The following TRPM3 variants were observed in gnomAD, a reference collection of about 807,000 sequenced individuals.
TRPM3 encodes transient receptor potential cation channel subfamily M member 3.
TRPM3 carries 77 observed loss-of-function variants against 181.2 expected under a neutral mutation model. The ratio of observed to expected loss-of-function variants is 0.42; its 90% confidence interval spans 0.35 to 0.51. TRPM3 has a LOEUF of 0.51. Ranked by LOEUF, TRPM3 falls within the 20% of genes least tolerant of loss-of-function variation. The probability of loss-of-function intolerance (pLI) is 0.01; values close to 1 mark genes in which losing one functional copy is unlikely to be tolerated. For missense variants in TRPM3, 1,759 were observed against 2,196.7 expected (o/e 0.80, Z 3.98); for synonymous variants, 745 against 796.4 (o/e 0.94, Z 1.09).
chr9:70,624,010 G>C (rs900903877), intron 14 of TRPM3, among the ~76,000 whole-genome samples: 4 of 152,208 alleles, frequency 2.6e-5, no homozygotes, highest in East Asian at 1.9e-4. Flanking sequence ...GATCGTATTT[G>C]CTGCCAATGA....
chr9:71,420,701 GAGAGAGAAAGAA>G lies in TRPM3; in HGVS notation c.183+25940_183+25951del, dbSNP rs1257976147. On this transcript the variant is annotated intron_variant, in intron 1 of 24. Transcript: ENST00000357533. Reference sequence around the variant, plus strand: ...AAAGAAAGAGAAAGGGAAAGAGAAAGAGAGAGAAAGAAAGAGAGAAAGAGAGAGAGAGAGAAA... The same window carrying G: ...AAAGAAAGAGAAAGGGAAAGAGAAAGAGAGAGAAAGAGAGAGAGAGAGAAA... Among the ~76,000 whole-genome samples, 34 of 11,870 alleles carry G rather than the reference GAGAGAGAAAGAA, an allele frequency of 2.9e-3. 1 individual carries two copies. The highest frequency in any genetic ancestry group is 6.0e-3 in the African/African-American group (31 of 5,172). The allele number at this position is 11,870 out of a possible 152,430, so 7.8% of individuals were successfully genotyped here.
At chr9:71,406,153 GA>G (rs2093432301) in intron 1 of TRPM3, among the ~76,000 whole-genome samples, 1 of 152,048 alleles carries the variant, frequency 6.6e-6, no homozygotes, top group African/African-American at 2.4e-5. Context: ...CTCCCTTTAT[GA>G]AAAGATCCAA....
At chr9:71,095,441 C>T (rs1238510456) in intron 1 of TRPM3, among the ~76,000 whole-genome samples, 1 of 151,986 alleles carries the variant, frequency 6.6e-6, no homozygotes, top group African/African-American at 2.4e-5. Context: ...AAATCTTAAA[C>T]AGGTAGAAGA....
intron 1 of TRPM3, among the ~76,000 whole-genome samples, chr9:70,934,018 T>C (rs1194448585): frequency 1.3e-5 from 2 of 152,226 alleles, no homozygotes; most frequent in Middle Eastern, 3.4e-3. Context: ...CTTGGAAGAA[T>C]TGGTGACCTC....
intron 1 of TRPM3, among the ~76,000 whole-genome samples, chr9:71,262,796 T>C (rs372554398): frequency 6.4e-4 from 97 of 152,254 alleles, no homozygotes; most frequent in African/African-American, 2.3e-3. Context: ...TTGCACTTCC[T>C]GGGTGAGGCA....
chr9:71,346,612 C>A (rs572613211), intron 1 of TRPM3, among the ~76,000 whole-genome samples: 3 of 152,078 alleles, frequency 2.0e-5, no homozygotes, highest in Non-Finnish European at 4.4e-5. Flanking sequence ...AAAGAGGTTC[C>A]ATTGGCCAAG....
intron 9 of TRPM3, among the ~76,000 whole-genome samples, chr9:70,648,617 A>G (rs1373244778): frequency 5.4e-5 from 8 of 147,684 alleles, no homozygotes; most frequent in African/African-American, 2.0e-4. Flanking sequence ...TAACAAAACC[A>G]GCATCATACT....
intron 1 of TRPM3, among the ~76,000 whole-genome samples, chr9:71,022,125 T>C (rs2097851910): frequency 6.6e-6 from 1 of 152,186 alleles, no homozygotes; most frequent in Non-Finnish European, 1.5e-5. Context: ...GGATTCATTC[T>C]ACCTGGTAGC....
At chr9:70,663,201 G>A (rs1237020211) in intron 9 of TRPM3, among the ~76,000 whole-genome samples, 1 of 152,110 alleles carries the variant, frequency 6.6e-6, no homozygotes, top group Non-Finnish European at 1.5e-5. Context: ...GGATGTGAAG[G>A]CATACGAATG....
Position 70,558,768 on chromosome 9 carries a change from C to T in TRPM3, c.3224-5458G>A, listed in dbSNP as rs114772761. Among the ~76,000 whole-genome samples the T allele has an allele frequency of 3.5e-3, 536 of 152,240 alleles. 3 individuals carry two copies. The highest frequency in any genetic ancestry group is 0.012 in the African/African-American group (509 of 41,538). ...AGTCGTAGGGCCTCAAAGTCACGTG[C>T]AGGTACAGAATGGGAAGGCTACATC... On this transcript the variant is annotated intron_variant, in intron 22 of 25. Transcript: ENST00000677713.
intron 19 of TRPM3, among the ~76,000 whole-genome samples, chr9:70,606,474 TGGG>T (rs1670090876): frequency 6.6e-6 from 1 of 152,172 alleles, no homozygotes; most frequent in Admixed American, 6.5e-5. Flanking sequence ...TATAATATTT[TGGG>T]ACAACTCTCA....
chr9:71,082,763 G>C (rs139358522), intron 1 of TRPM3, among the ~76,000 whole-genome samples: 184 of 152,228 alleles, frequency 1.2e-3, no homozygotes, highest in African/African-American at 4.1e-3. Context: ...AATGGTTAAT[G>C]ATGTAACCAA....
At chr9:71,237,344 T>C (rs2081418636) in intron 1 of TRPM3, among the ~76,000 whole-genome samples, 1 of 152,142 alleles carries the variant, frequency 6.6e-6, no homozygotes, top group Non-Finnish European at 1.5e-5. Context: ...GACCTCAACA[T>C]TTTCCTACAT....
chr9:71,347,615 C>T (rs953034886), intron 1 of TRPM3, among the ~76,000 whole-genome samples: 4 of 152,104 alleles, frequency 2.6e-5, no homozygotes, highest in Admixed American at 6.5e-5. Context: ...TAATTTAACA[C>T]GATATTTAAG....
intron 1 of TRPM3, among the ~76,000 whole-genome samples, chr9:71,180,631 G>A (rs1260526420): frequency 1.3e-5 from 2 of 152,152 alleles, no homozygotes; most frequent in Non-Finnish European, 2.9e-5. Context: ...CTGAAGTCAT[G>A]AGTAGCTGTG....
upstream of TRPM3, among the ~76,000 whole-genome samples, chr9:71,123,328 A>C (rs187937960): frequency 1.3e-5 from 2 of 152,346 alleles, no homozygotes; most frequent in East Asian, 3.9e-4. Context: ...TCTGGAATCA[A>C]GCTGCATGGT....
rs542319620 is a variant in TRPM3, at chr9:71,446,630, G to A, written c.183+23C>T. The A allele has an allele frequency of 1.9e-6, 3 of 1,547,122 alleles. No individual in the cohort carries two copies. In the East Asian group the frequency reaches 7.4e-5, roughly 38 times the overall value. On this transcript the variant is annotated intron_variant, in intron 1 of 24. Transcript: ENST00000357533. ...GAAGGGAGAAAAGAAAGCAAAGACTGGGGCTCTCCCCCGGCCACTCACCGG... is the reference window on the plus strand; with the variant it reads ...GAAGGGAGAAAAGAAAGCAAAGACTAGGGCTCTCCCCCGGCCACTCACCGG...
chr9:71,290,645 A>G (rs190802766), intron 1 of TRPM3, among the ~76,000 whole-genome samples: 26 of 152,230 alleles, frequency 1.7e-4, no homozygotes, highest in African/African-American at 6.3e-4. Context: ...CATGCTCAAA[A>G]TAATATAGAA....
chr9:71,191,634 C>T (rs1213780958), intron 1 of TRPM3, among the ~76,000 whole-genome samples: 1 of 151,872 alleles, frequency 6.6e-6, no homozygotes, highest in African/African-American at 2.4e-5. Context: ...CTGTCCTATA[C>T]TCCCCTGCAA....
Sources: allele counts gnomAD v4.1 joint callset (sites outside exome capture counted in the v4.1 genomes callset), GRCh38; gene constraint gnomAD v4.1.1; transcripts MANE v1.5; gene names NCBI Gene and HGNC (gene_info 2026-07-23, HGNC 2026-07-21).